Variants in ENOX1 observed in about 807,000 individuals in gnomAD.
ENOX1 encodes ecto-NOX disulfide-thiol exchanger 1.
ENOX1 carries 42 observed loss-of-function variants against 82.5 expected under a neutral mutation model. That is an observed-to-expected ratio of 0.51 (90% CI 0.40 to 0.66). The LOEUF is 0.66. ENOX1 is among the 30% of genes least tolerant of loss of function. ENOX1 has a pLI of 0.00. For missense variants in ENOX1, 608 were observed against 811.6 expected (o/e 0.75, Z 3.05); for synonymous variants, 271 against 282.2 (o/e 0.96, Z 0.40).
intron 1 of ENOX1, among the ~76,000 whole-genome samples, chr13:43,677,905 T>A (rs1262338925): frequency 6.6e-6 from 1 of 152,172 alleles, no homozygotes; most frequent in Admixed American, 6.5e-5. Context: ...TCATTTTATT[T>A]TAAATTGACA....
chr13:43,390,197 T>C (rs1223982256), intron 5 of ENOX1, among the ~76,000 whole-genome samples: 2 of 152,122 alleles, frequency 1.3e-5, no homozygotes, highest in Non-Finnish European at 2.9e-5. Context: ...ATCAATTAAT[T>C]AGCTAAAGTA....
chr13:43,410,631 C>CATGT (rs2054068810), intron 5 of ENOX1, among the ~76,000 whole-genome samples: 1 of 150,722 alleles, frequency 6.6e-6, no homozygotes, highest in Admixed American at 6.6e-5. Context: ...CATGTACACA[C>CATGT]ACACACACAC....
chr13:43,705,344 A>ATG (rs2087199323), intron 1 of ENOX1, among the ~76,000 whole-genome samples: 2 of 43,068 alleles, frequency 4.6e-5, no homozygotes, highest in Non-Finnish European at 8.2e-5. Context: ...ATATATATAT[A>ATG]TTTGTAATAT....
chr13:43,470,906 C>T (rs2153647240), intron 3 of ENOX1, among the ~76,000 whole-genome samples: 1 of 152,200 alleles, frequency 6.6e-6, no homozygotes, highest in East Asian at 1.9e-4. Flanking sequence ...CTAAAACTCT[C>T]ACATTTTGTT....
At chr13:43,239,742 G>A (rs1236951171) in intron 14 of ENOX1, among the ~76,000 whole-genome samples, 1 of 152,212 alleles carries the variant, frequency 6.6e-6, no homozygotes, top group Admixed American at 6.5e-5. Context: ...AAAGAGAACA[G>A]TTAAAGTTAA....
intron 2 of ENOX1, among the ~76,000 whole-genome samples, chr13:43,562,295 T>C (rs2079715225): frequency 6.6e-6 from 1 of 152,114 alleles, no homozygotes; most frequent in Non-Finnish European, 1.5e-5. Flanking sequence ...TTTATGCAAT[T>C]AGTGTAAGTT....
At chr13:43,753,133 T>A (rs1485840896) in intron 1 of ENOX1, among the ~76,000 whole-genome samples, 1 of 152,234 alleles carries the variant, frequency 6.6e-6, no homozygotes, top group Non-Finnish European at 1.5e-5. Flanking sequence ...CTGCTGGGAT[T>A]ACAGGCATGA....
chr13:43,354,924 G>C (rs997641681), intron 8 of ENOX1, among the ~76,000 whole-genome samples: 1 of 152,142 alleles, frequency 6.6e-6, no homozygotes, highest in African/African-American at 2.4e-5. Context: ...AGACTTTCTT[G>C]ACACTTTCAT....
At chr13:43,685,188 T>A (rs1364418744) in intron 1 of ENOX1, among the ~76,000 whole-genome samples, 2 of 152,216 alleles carry the variant, frequency 1.3e-5, no homozygotes, top group South Asian at 4.1e-4. Context: ...AATGGGTCTC[T>A]TCATACTTCA....
At chr13:43,732,265 A>G (rs1254376143) in intron 1 of ENOX1, among the ~76,000 whole-genome samples, 8 of 152,194 alleles carry the variant, frequency 5.3e-5, no homozygotes. Context: ...TTCCTGTTTT[A>G]TGACACAAAA....
chr13:43,286,660 T>G (rs1011585105), intron 12 of ENOX1, among the ~76,000 whole-genome samples: 4 of 152,228 alleles, frequency 2.6e-5, no homozygotes, highest in Non-Finnish European at 4.4e-5. Context: ...ATCAAATTAA[T>G]TAATGGCAGA....
chr13:43,318,781 T>C (rs1302048685), intron 11 of ENOX1, among the ~76,000 whole-genome samples: 1 of 152,242 alleles, frequency 6.6e-6, no homozygotes, highest in Non-Finnish European at 1.5e-5. Context: ...ATTTATTGAG[T>C]ACTTACTAGA....
intron 2 of ENOX1, among the ~76,000 whole-genome samples, chr13:43,584,317 C>A (rs189787569): frequency 6.6e-6 from 1 of 152,148 alleles, no homozygotes; most frequent in Non-Finnish European, 1.5e-5. Flanking sequence ...CACATCCATC[C>A]GCTTCATATT....
intron 1 of ENOX1, among the ~76,000 whole-genome samples, chr13:43,715,009 T>C (rs1034337838): frequency 2.6e-5 from 4 of 152,366 alleles, no homozygotes; most frequent in African/African-American, 4.8e-5. Flanking sequence ...CTAGCCTTGA[T>C]GGTCGTTACA....
At chr13:43,639,234 G>A (rs949939041) in intron 2 of ENOX1, among the ~76,000 whole-genome samples, 108 of 152,174 alleles carry the variant, frequency 7.1e-4, no homozygotes, top group South Asian at 2.1e-4. Flanking sequence ...CCCGGGAGGC[G>A]GAGGTTGCAG....
chr13:43,738,056 T>C (rs1162871387), intron 1 of ENOX1, among the ~76,000 whole-genome samples: 1 of 152,208 alleles, frequency 6.6e-6, no homozygotes, highest in African/African-American at 2.4e-5. Context: ...TGAAAAATGA[T>C]ACGTAAGTAA....
intron 5 of ENOX1, among the ~76,000 whole-genome samples, chr13:43,406,658 A>G (rs1205669639): frequency 6.6e-6 from 1 of 151,676 alleles, no homozygotes; most frequent in African/African-American, 2.4e-5. Flanking sequence ...ATGCCCTGCT[A>G]ATTTTTTTGT....
intron 1 of ENOX1, among the ~76,000 whole-genome samples, chr13:43,729,943 A>T (rs142089144): frequency 1.3e-5 from 2 of 152,240 alleles, no homozygotes; most frequent in African/African-American, 4.8e-5. Flanking sequence ...TCTGTGGGGG[A>T]CATCTCCTCT....
intron 9 of ENOX1, among the ~76,000 whole-genome samples, chr13:43,340,382 T>C (rs1009971129): frequency 1.3e-5 from 2 of 152,182 alleles, no homozygotes; most frequent in Non-Finnish European, 1.5e-5. Context: ...AGAGTCTCCA[T>C]TGCTGGGATG....
Sources: gnomAD v4.1 joint callset for allele counts (sites outside exome capture counted in the v4.1 genomes callset) on GRCh38, gnomAD v4.1.1 for gene constraint, MANE v1.5 for transcripts, NCBI Gene and HGNC (gene_info 2026-07-23, HGNC 2026-07-21) for gene names.